PRKD1: variants seen among roughly 807,000 people sequenced by gnomAD.
PRKD1 encodes the protein serine/threonine-protein kinase D1.
Under a neutral mutation model 95.9 loss-of-function variants are expected in PRKD1, and 63 were observed. The observed-to-expected ratio is 0.66, with a 90% CI of 0.54 to 0.81. The LOEUF is 0.81. Among genes scored for constraint, PRKD1 ranks in the 30% least tolerant of loss-of-function variants. The pLI is 0.00. For synonymous variants in PRKD1, 425 were observed against 423.1 expected (o/e 1.00, Z -0.05); for missense variants, 1,048 against 1,165.3 (o/e 0.90, Z 1.47).
intron 16 of PRKD1, among the ~76,000 whole-genome samples, chr14:29,579,322 T>C (rs569447460): frequency 1.6e-4 from 24 of 152,206 alleles, no homozygotes; most frequent in African/African-American, 4.3e-4. Context: ...TAGCATTTTC[T>C]TCCCAAAAAG....
intron 1 of PRKD1, among the ~76,000 whole-genome samples, chr14:29,902,515 C>T (rs17096137): frequency 0.083 from 12,604 of 152,170 alleles, 778 homozygotes; most frequent in African/African-American, 0.17. Flanking sequence ...GCATCATTCA[C>T]TATTTTTTGG....
At chr14:29,772,950 T>C (rs1888576594) in intron 1 of PRKD1, among the ~76,000 whole-genome samples, 1 of 152,208 alleles carries the variant, frequency 6.6e-6, no homozygotes, top group Non-Finnish European at 1.5e-5. Context: ...CTTTATAGTG[T>C]CTAGTTGTTT....
chr14:29,752,204 T>C (rs1056696757), intron 1 of PRKD1, among the ~76,000 whole-genome samples: 1 of 152,222 alleles, frequency 6.6e-6, no homozygotes, highest in Non-Finnish European at 1.5e-5. Flanking sequence ...ATTTTATTAA[T>C]ATTTGTAAAT....
At chr14:29,719,886 C>G (rs973215971) in intron 2 of PRKD1, among the ~76,000 whole-genome samples, 1 of 150,072 alleles carries the variant, frequency 6.7e-6, no homozygotes, top group Non-Finnish European at 1.5e-5. Flanking sequence ...CCAGGACTCA[C>G]CAGATGCTCA....
At chr14:29,665,777 C>T (rs1566524940) in intron 3 of PRKD1, among the ~76,000 whole-genome samples, 1 of 151,378 alleles carries the variant, frequency 6.6e-6, no homozygotes, top group Non-Finnish European at 1.5e-5. Context: ...ATACATAGAT[C>T]TATGTACATA....
chr14:29,718,647 A>G (rs574559424), intron 2 of PRKD1, among the ~76,000 whole-genome samples: 2 of 152,324 alleles, frequency 1.3e-5, no homozygotes, highest in South Asian at 4.1e-4. Context: ...ACTGTTACAA[A>G]ACCACCTGCA....
At chr14:29,801,051 G>A (rs1332719164) in intron 1 of PRKD1, among the ~76,000 whole-genome samples, 1 of 152,068 alleles carries the variant, frequency 6.6e-6, no homozygotes, top group Non-Finnish European at 1.5e-5. Flanking sequence ...AGGTTCTCCA[G>A]AGAAAGGGGA....
intron 2 of PRKD1, among the ~76,000 whole-genome samples, chr14:29,713,496 G>T (rs1161368896): frequency 6.6e-6 from 1 of 152,100 alleles, no homozygotes; most frequent in Non-Finnish European, 1.5e-5. Context: ...GGATATTCTA[G>T]AATTTATATA....
chr14:29,705,306 T>C (rs946375204), intron 2 of PRKD1, among the ~76,000 whole-genome samples: 1 of 151,990 alleles, frequency 6.6e-6, no homozygotes, highest in Non-Finnish European at 1.5e-5. Flanking sequence ...ACATACTAGG[T>C]TGCTGCAAAA....
chr14:29,774,460 A>G (rs1888645942), intron 1 of PRKD1, among the ~76,000 whole-genome samples: 1 of 152,156 alleles, frequency 6.6e-6, no homozygotes, highest in Non-Finnish European at 1.5e-5. Context: ...TGAACATTTT[A>G]CCAATAATAA....
intron 1 of PRKD1, among the ~76,000 whole-genome samples, chr14:29,878,765 T>A (rs1893395788): frequency 3.3e-5 from 5 of 152,046 alleles, no homozygotes; most frequent in Admixed American, 3.3e-4. Flanking sequence ...AGGACAGGAA[T>A]GGGGAATTAT....
intron 4 of PRKD1, among the ~76,000 whole-genome samples, chr14:29,648,566 T>C (rs1338764282): frequency 6.6e-6 from 1 of 152,232 alleles, no homozygotes; most frequent in Non-Finnish European, 1.5e-5. Context: ...AACTGGGACA[T>C]GAGCAAGTTT....
intron 2 of PRKD1, among the ~76,000 whole-genome samples, chr14:29,690,871 C>G (rs186754148): frequency 1.2e-4 from 18 of 152,308 alleles, no homozygotes; most frequent in Admixed American, 8.5e-4. Flanking sequence ...CAGTTTTCAG[C>G]TTAAACTTCA....
At chr14:29,656,565 G>A in intron 4 of PRKD1, 1 of 1,473,322 alleles carries the variant, frequency 6.8e-7, no homozygotes, top group East Asian at 2.5e-5. Context: ...AAAAAGACAG[G>A]AAAACAACGT....
intron 13 of PRKD1, among the ~76,000 whole-genome samples, chr14:29,622,092 G>A (rs915625323): frequency 5.9e-5 from 9 of 152,104 alleles, no homozygotes; most frequent in Non-Finnish European, 8.8e-5. Flanking sequence ...TGGAGGGGGC[G>A]GGCATTTAAT....
intron 1 of PRKD1, among the ~76,000 whole-genome samples, chr14:29,806,600 G>T (rs955154100): frequency 6.6e-6 from 1 of 152,224 alleles, no homozygotes; most frequent in Middle Eastern, 3.4e-3. Context: ...AAAATGGTTC[G>T]ACTGTTCAGG....
chr14:29,608,688 T>A (rs775691504), intron 13 of PRKD1, among the ~76,000 whole-genome samples: 2 of 152,198 alleles, frequency 1.3e-5, no homozygotes. Flanking sequence ...ACCTCAGTGA[T>A]GACAGAGGTG....
In PRKD1 at chr14:29,837,898, G is replaced by C. The variant is rs145017302; in HGVS notation, c.264+89351C>G. ...TGTAAAAAGCTTTTTAATTAATTTG[G>C]GGTATGGTAAATTTACTCCATCAGT... On this transcript the variant is annotated intron_variant, in intron 1 of 17. Transcript: ENST00000331968. 1.7e-4 allele frequency among the ~76,000 whole-genome samples: 26 copies of C among 152,140 alleles called. No individual in the cohort carries two copies. The East Asian group carries it at 4.1e-3, about 24-fold the overall frequency.
At chr14:29,626,364 C>T (rs1184824287) in intron 12 of PRKD1, 120 bp downstream of exon 12, 6 of 808,552 alleles carry the variant, frequency 7.4e-6, no homozygotes, top group South Asian at 3.6e-5. Context: ...CAAAAAGATA[C>T]ACACACAGAA....
Sources: allele counts gnomAD v4.1 joint callset (sites outside exome capture counted in the v4.1 genomes callset), GRCh38; gene constraint gnomAD v4.1.1; transcripts MANE v1.5; gene names NCBI Gene and HGNC (gene_info 2026-07-23, HGNC 2026-07-21).